The following SLC4A10 variants were observed in gnomAD, a reference collection of about 807,000 sequenced individuals.
SLC4A10 encodes solute carrier family 4 member 10, also known as sodium-driven chloride bicarbonate exchanger.
In SLC4A10, 42 loss-of-function variants were observed where a neutral mutation model predicts 137.7. The ratio of observed to expected loss-of-function variants is 0.30; its 90% CI spans 0.24 to 0.39. The LOEUF (loss-of-function observed/expected upper bound fraction) is 0.39, where lower values mean the gene tolerates loss of function less well. SLC4A10 is among the 10% of genes least tolerant of loss of function. The pLI is 1.00. For missense variants in SLC4A10, 925 were observed against 1,355.0 expected (o/e 0.68, Z 4.98); for synonymous variants, 474 against 464.1 (o/e 1.02, Z -0.27).
chr2:161,829,048 T>C (rs1379747750), intron 3 of SLC4A10, among the ~76,000 whole-genome samples: 1 of 151,750 alleles, frequency 6.6e-6, no homozygotes, highest in Non-Finnish European at 1.5e-5. Flanking sequence ...TCTTTTACCA[T>C]ATAGTCAAAA....
intron 1 of SLC4A10, among the ~76,000 whole-genome samples, chr2:161,642,943 C>T (rs908132243): frequency 6.6e-6 from 1 of 151,900 alleles, no homozygotes; most frequent in African/African-American, 2.4e-5. Context: ...TTCTCCAGTT[C>T]AGGTTAGAAT....
At chr2:161,857,625 G>A (rs2060180581) in intron 5 of SLC4A10, among the ~76,000 whole-genome samples, 2 of 151,950 alleles carry the variant, frequency 1.3e-5, no homozygotes, top group Non-Finnish European at 2.9e-5. Context: ...TCTATAGTTT[G>A]TAATTATTTT....
rs1405136971 is a variant in SLC4A10, at chr2:161,732,837, A to C, written c.49-38136A>C. 2.0e-5 allele frequency among the ~76,000 whole-genome samples: 3 copies of C among 152,146 alleles called. No homozygotes were observed. In the East Asian group the frequency reaches 5.8e-4, roughly 29 times the overall value. ...AGGTGGTCTCAGATGGAGATGAGGA[A>C]CTTGTTGAGAACTGGAGCAAAGGTG... On this transcript the variant is annotated intron_variant, in intron 1 of 26. Coordinates refer to ENST00000446997, the MANE Select transcript of SLC4A10 (RefSeq NM_001178015.2).
intron 10 of SLC4A10, among the ~76,000 whole-genome samples, chr2:161,882,737 C>A (rs1474033242): frequency 6.6e-6 from 1 of 151,962 alleles, no homozygotes; most frequent in Non-Finnish European, 1.5e-5. Context: ...AAAGTAAGCA[C>A]CATTGTTAAT....
chr2:161,816,316 G>C (rs1341459023), intron 3 of SLC4A10, among the ~76,000 whole-genome samples: 1 of 152,156 alleles, frequency 6.6e-6, no homozygotes, highest in Non-Finnish European at 1.5e-5. Context: ...GTATAGGATA[G>C]AGGAGAATTT....
chr2:161,663,071 A>C (rs2038633996), intron 1 of SLC4A10, among the ~76,000 whole-genome samples: 1 of 152,162 alleles, frequency 6.6e-6, no homozygotes, highest in Non-Finnish European at 1.5e-5. Flanking sequence ...TGCTCTTGTA[A>C]ATTAGATGAG....
At chr2:161,631,964 A>C (rs908180083) in intron 1 of SLC4A10, among the ~76,000 whole-genome samples, 1 of 151,792 alleles carries the variant, frequency 6.6e-6, no homozygotes, top group African/African-American at 2.4e-5. Flanking sequence ...CTCATTCATC[A>C]TGAAAATTAT....
chr2:161,730,410 A>T (rs2046694604), intron 1 of SLC4A10, among the ~76,000 whole-genome samples: 1 of 152,144 alleles, frequency 6.6e-6, no homozygotes, highest in South Asian at 2.1e-4. Context: ...AAAACAATCT[A>T]TTATCTGTCT....
intron 1 of SLC4A10, among the ~76,000 whole-genome samples, chr2:161,769,623 C>T (rs924916728): frequency 3.3e-5 from 5 of 151,880 alleles, no homozygotes; most frequent in African/African-American, 1.2e-4. Context: ...CCAAGTTCAA[C>T]AACATTGGAA....
chr2:161,685,010 C>T (rs2041235003), intron 1 of SLC4A10, among the ~76,000 whole-genome samples: 2 of 152,096 alleles, frequency 1.3e-5, no homozygotes, highest in South Asian at 4.2e-4. Flanking sequence ...GCAATATGGA[C>T]CCCATAGAGA....
At chr2:161,629,128 C>G (rs2033042644) in intron 1 of SLC4A10, among the ~76,000 whole-genome samples, 1 of 151,918 alleles carries the variant, frequency 6.6e-6, no homozygotes, top group South Asian at 2.1e-4. Flanking sequence ...AGAGAGACTT[C>G]AACTCTTCCT....
chr2:161,818,520 T>C (rs960620669), intron 3 of SLC4A10, among the ~76,000 whole-genome samples: 2 of 152,164 alleles, frequency 1.3e-5, no homozygotes, highest in African/African-American at 4.8e-5. Flanking sequence ...CTATGTTGAA[T>C]AGGAGTGGTG....
chr2:161,907,604 T>C (rs570718609), intron 15 of SLC4A10, among the ~76,000 whole-genome samples: 1 of 152,248 alleles, frequency 6.6e-6, no homozygotes, highest in Admixed American at 6.5e-5. Context: ...TAGCAGCACA[T>C]CAGGAGAGCA....
At chr2:161,714,970 T>C (rs1286588672) in intron 1 of SLC4A10, among the ~76,000 whole-genome samples, 2 of 152,030 alleles carry the variant, frequency 1.3e-5, no homozygotes, top group Non-Finnish European at 2.9e-5. Context: ...TGTATATTTG[T>C]GTGTATACAC....
intron 4 of SLC4A10, among the ~76,000 whole-genome samples, chr2:161,849,302 C>A (rs2059686866): frequency 6.6e-6 from 1 of 151,960 alleles, no homozygotes; most frequent in Non-Finnish European, 1.5e-5. Context: ...GAGCCTCAAG[C>A]AGAGATTATG....
At chr2:161,633,007 A>T (rs1284757714) in intron 1 of SLC4A10, among the ~76,000 whole-genome samples, 1 of 151,696 alleles carries the variant, frequency 6.6e-6, no homozygotes, top group African/African-American at 2.4e-5. Context: ...ACATGTATAT[A>T]TATCCTGATG....
At chr2:161,882,904 G>T (rs2061916382) in intron 10 of SLC4A10, among the ~76,000 whole-genome samples, 1 of 152,050 alleles carries the variant, frequency 6.6e-6, no homozygotes, top group African/African-American at 2.4e-5. Context: ...GGGAGTCTGG[G>T]GACTATTAGA....
chr2:161,656,210 A>C (rs2105643572), intron 1 of SLC4A10, among the ~76,000 whole-genome samples: 1 of 152,312 alleles, frequency 6.6e-6, no homozygotes, highest in South Asian at 2.1e-4. Flanking sequence ...TACCACATTA[A>C]CAGAATGAGG....
At chr2:161,715,212 T>C (rs1456547571) in intron 1 of SLC4A10, among the ~76,000 whole-genome samples, 1 of 152,034 alleles carries the variant, frequency 6.6e-6, no homozygotes, top group African/African-American at 2.4e-5. Flanking sequence ...TACTGTTTCA[T>C]ACTGTTTAGA....
Sources: allele counts gnomAD v4.1 joint callset (sites outside exome capture counted in the v4.1 genomes callset), GRCh38; gene constraint gnomAD v4.1.1; transcripts MANE v1.5; gene names NCBI Gene and HGNC (gene_info 2026-07-23, HGNC 2026-07-21).